The following ETFA variants were observed in gnomAD, a reference collection of about 807,000 sequenced individuals.
ETFA encodes the protein electron transfer flavoprotein subunit alpha, also known as electron transfer flavoprotein subunit alpha, mitochondrial.
Under a neutral mutation model 46.2 loss-of-function variants are expected in ETFA, and 22 were observed. The observed-to-expected ratio is 0.48, with a 90% CI of 0.34 to 0.68. The LOEUF (loss-of-function observed/expected upper bound fraction) is 0.68. Ranked by LOEUF, ETFA falls within the 30% of genes least tolerant of loss-of-function variation. ETFA has a pLI of 0.01. For missense variants in ETFA, 345 were observed against 401.1 expected (o/e 0.86, Z 1.19); for synonymous variants, 131 against 139.9 (o/e 0.94, Z 0.45).
At chr15:76,264,750 G>A (rs541599314) in intron 9 of ETFA, among the ~76,000 whole-genome samples, 1 of 152,302 alleles carries the variant, frequency 6.6e-6, no homozygotes, top group Admixed American at 6.5e-5. Flanking sequence ...TACTCTTTTA[G>A]CTAAGGCTAT....
At chr15:76,264,049 G>C (rs1446952071) in intron 9 of ETFA, among the ~76,000 whole-genome samples, 1 of 152,144 alleles carries the variant, frequency 6.6e-6, no homozygotes, top group Non-Finnish European at 1.5e-5. Context: ...CTAGAGCTGA[G>C]GGAGACCTTG....
At chr15:76,258,212 G>C (rs972314947) in intron 9 of ETFA, among the ~76,000 whole-genome samples, 1 of 151,968 alleles carries the variant, frequency 6.6e-6, no homozygotes, top group Non-Finnish European at 1.5e-5. Flanking sequence ...AAATTTGGTA[G>C]CATGCTCAGA....
chr15:76,261,698 G>A (rs2039415406), intron 9 of ETFA: 1 of 307,034 alleles, frequency 3.3e-6, no homozygotes, highest in East Asian at 7.0e-5. Flanking sequence ...CATCTGTGGT[G>A]ATGCCATACC....
At chr15:76,229,257 A>C (rs2039039072) in intron 10 of ETFA, 1 of 152,242 alleles carries the variant, frequency 6.6e-6, no homozygotes, top group Non-Finnish European at 1.5e-5. Flanking sequence ...ACAGGACGAC[A>C]CAGACAACAG....
At chr15:76,247,149 G>A (rs2244050) in intron 9 of ETFA, among the ~76,000 whole-genome samples, 149,082 of 152,322 alleles carry the variant, frequency 0.98, 73,036 homozygotes, top group South Asian at 1. Context: ...CGCTATCTGA[G>A]TATTTGTTAC....
At chr15:76,234,850 G>A (rs1314898198) in intron 9 of ETFA, among the ~76,000 whole-genome samples, 2 of 152,174 alleles carry the variant, frequency 1.3e-5, no homozygotes, top group East Asian at 1.9e-4. Context: ...GCAGAAAAAA[G>A]CACAAATACC....
At chr15:76,228,016 G>A (rs2142109973) in intron 10 of ETFA, 3 of 455,220 alleles carry the variant, frequency 6.6e-6, no homozygotes, top group South Asian at 4.7e-5. Flanking sequence ...AATTGCAGGT[G>A]TTGATTTGCA....
At chr15:76,260,867 G>A (rs1186656013) in intron 9 of ETFA, 6 of 1,611,654 alleles carry the variant, frequency 3.7e-6, no homozygotes, top group Non-Finnish European at 5.1e-6. Flanking sequence ...GGCAGGTAAA[G>A]GGGGGCACAA....
chr15:76,217,666 T>C (rs1397311889), intron 11 of ETFA: 1 of 453,660 alleles, frequency 2.2e-6, no homozygotes, highest in East Asian at 7.0e-5. Context: ...AGAGGAGAGC[T>C]GTCCAAGGGG....
intron 9 of ETFA, among the ~76,000 whole-genome samples, chr15:76,272,035 G>A (rs377762577): frequency 4.0e-5 from 6 of 151,532 alleles, no homozygotes; most frequent in African/African-American, 9.7e-5. Flanking sequence ...AAAAAATTTC[G>A]ATGGTTCTAT....
intron 9 of ETFA, chr15:76,260,826 T>C: frequency 6.2e-7 from 1 of 1,609,384 alleles, no homozygotes; most frequent in Non-Finnish European, 8.5e-7. Context: ...CCTGAGGCTG[T>C]AGCTGGTGGC....
At chr15:76,275,151 A>T (rs569720198) in intron 8 of ETFA, among the ~76,000 whole-genome samples, 6 of 152,058 alleles carry the variant, frequency 3.9e-5, no homozygotes, top group Non-Finnish European at 7.4e-5. Flanking sequence ...ATAAGCCCCA[A>T]ACTCAAAGGT....
chr15:76,250,937 G>T (rs2039292532), intron 9 of ETFA, among the ~76,000 whole-genome samples: 1 of 151,178 alleles, frequency 6.6e-6, no homozygotes, highest in African/African-American at 2.4e-5. Context: ...TTAAATTCAG[G>T]GATGAAAACA....
chr15:76,285,773 T>C (rs201339432), intron 6 of ETFA, 35 bp from the exon 7 acceptor site: 8 of 1,192,602 alleles, frequency 6.7e-6, no homozygotes, highest in East Asian at 2.3e-5. Flanking sequence ...ACAATGACTA[T>C]GATTTCAAGT....
intron 9 of ETFA, among the ~76,000 whole-genome samples, chr15:76,272,409 A>G (rs2039545749): frequency 2.0e-5 from 3 of 151,714 alleles, no homozygotes; most frequent in Admixed American, 1.3e-4. Context: ...TTTAGTAGAG[A>G]CGGGGTTTCA....
Position 76,307,306 on chromosome 15 carries a change from T to A in ETFA, c.39+4044A>T, listed in dbSNP as rs184102306. ...CTCTTTATTATAGATATAAAAACTA[T>A]CTTTGTTAACAGATGACTTTAAAGA... On this transcript the variant is annotated intron_variant, in intron 1 of 11. Coordinates refer to ENST00000557943, the MANE Select transcript of ETFA (RefSeq NM_000126.4). Among the ~76,000 whole-genome samples, 3 of 152,318 alleles carry A rather than the reference T, an allele frequency of 2.0e-5. No homozygotes were observed. The East Asian group carries it at 5.8e-4, about 29-fold the overall frequency.
At chr15:76,222,220 TATA>T (rs1433168414) in intron 11 of ETFA, among the ~76,000 whole-genome samples, 5 of 148,038 alleles carry the variant, frequency 3.4e-5, no homozygotes, top group African/African-American at 4.9e-5. Context: ...TTTTTAAAAT[TATA>T]ATTTTAAAAT....
intron 11 of ETFA, among the ~76,000 whole-genome samples, chr15:76,220,208 A>G (rs747494600): frequency 6.6e-6 from 1 of 152,180 alleles, no homozygotes; most frequent in Non-Finnish European, 1.5e-5. Context: ...CTGGGGCTAT[A>G]GGTGCGTGCC....
At chr15:76,243,818 A>G (rs930123915) in intron 9 of ETFA, among the ~76,000 whole-genome samples, 1 of 107,612 alleles carries the variant, frequency 9.3e-6, no homozygotes, top group Non-Finnish European at 2.4e-5. Flanking sequence ...AAAACAAACA[A>G]ACAAAAAAAA....
Sources: gnomAD v4.1 joint callset for allele counts (sites outside exome capture counted in the v4.1 genomes callset) on GRCh38, gnomAD v4.1.1 for gene constraint, MANE v1.5 for transcripts, NCBI Gene and HGNC (gene_info 2026-07-23, HGNC 2026-07-21) for gene names.